The following METTL9 variants were observed in gnomAD, a reference collection of about 807,000 sequenced individuals.
The protein encoded by METTL9 is protein-L-histidine N-pros-methyltransferase.
Under a neutral mutation model 36.0 loss-of-function variants are expected in METTL9, and 10 were observed. That is an observed-to-expected ratio of 0.28 (90% CI 0.17 to 0.47). The LOEUF (loss-of-function observed/expected upper bound fraction) is 0.47, where lower values mean the gene tolerates loss of function less well. Among genes scored for constraint, METTL9 ranks in the 20% least tolerant of loss-of-function variants. The pLI, the probability that METTL9 is intolerant of heterozygous loss-of-function variation, is 0.99. For missense variants in METTL9, 246 were observed against 383.5 expected (o/e 0.64, Z 3.00); for synonymous variants, 175 against 149.7 (o/e 1.17, Z -1.23).
chr16:21,657,131 C>G lies in METTL9; in HGVS notation c.*1699C>G, dbSNP rs963315954. ...TTGCCCCAAAGTGTTTTCTAACTTT[C>G]AAGTAGAGAACTTTATGCTCTAATA... On this transcript the variant is annotated 3_prime_UTR_variant, in exon 5 of 5. Coordinates refer to ENST00000358154, the MANE Select transcript of METTL9 (RefSeq NM_016025.5). The G allele has an allele frequency of 2.0e-5, 3 of 151,996 alleles. No individual in the cohort carries two copies. The highest frequency in any genetic ancestry group is 2.9e-5 in the Non-Finnish European group (2 of 68,006). The allele number at this position is 151,996 out of a possible 1,614,324, so 9.4% of individuals were successfully genotyped here. A position where few individuals can be genotyped will look rare whatever the true frequency, so the allele number is the denominator to read the frequency against.
chr16:21,642,175 A>C (rs1966289669), intron 4 of METTL9: 1 of 152,110 alleles, frequency 6.6e-6, no homozygotes, highest in Non-Finnish European at 1.5e-5. Flanking sequence ...AAAGAAAACA[A>C]TTAAAGTAAA....
chr16:21,598,789 A>C (rs899852620), upstream of METTL9, among the ~76,000 whole-genome samples: 4 of 152,202 alleles, frequency 2.6e-5, no homozygotes, highest in Non-Finnish European at 5.9e-5. Flanking sequence ...TAATTCAAGG[A>C]AACAAGGCAG....
intron 4 of METTL9, chr16:21,627,129 A>G (rs1965833924): frequency 1.0e-6 from 1 of 985,244 alleles, no homozygotes; most frequent in African/African-American, 1.7e-5. Flanking sequence ...CAGGCGCGCC[A>G]CGGCACTCTA....
At chr16:21,640,214 A>T (rs555465246) in intron 4 of METTL9, 4 of 152,232 alleles carry the variant, frequency 2.6e-5, no homozygotes, top group African/African-American at 9.6e-5. Flanking sequence ...TTGGGATTAC[A>T]GGCGTGAGCC....
intron 4 of METTL9, among the ~76,000 whole-genome samples, chr16:21,633,009 G>A (rs1044493342): frequency 1.3e-5 from 2 of 152,144 alleles, no homozygotes; most frequent in African/African-American, 4.8e-5. Context: ...TCTACTAGAT[G>A]AGTATTTGCT....
intron 1 of METTL9, among the ~76,000 whole-genome samples, chr16:21,608,606 C>T (rs943515247): frequency 6.6e-6 from 1 of 152,044 alleles, no homozygotes; most frequent in African/African-American, 2.4e-5. Flanking sequence ...GTTTTGCCTC[C>T]CAGGGGACAT....
At chr16:21,597,332 G>A, upstream of METTL9, 1 of 1,273,084 alleles carries the variant, frequency 7.9e-7, no homozygotes, top group Non-Finnish European at 1.0e-6. Flanking sequence ...GCTACCTTCA[G>A]GCAAATCATT....
intron 3 of METTL9, 92 bp from the exon 4 acceptor site, chr16:21,624,839 A>G: frequency 8.9e-7 from 1 of 1,118,750 alleles, no homozygotes; most frequent in Non-Finnish European, 1.3e-6. Context: ...AATTTAGAAG[A>G]CAAAGTTAAA....
chr16:21,637,833 T>C (rs1048214385), intron 4 of METTL9, among the ~76,000 whole-genome samples: 2 of 152,222 alleles, frequency 1.3e-5, no homozygotes. Context: ...GCTGAAGTGC[T>C]CCTTGAGTGC....
chr16:21,647,347 A>C (rs1252789253), intron 4 of METTL9: 2 of 1,614,030 alleles, frequency 1.2e-6, no homozygotes, highest in African/African-American at 2.7e-5. Context: ...GCTGGTGAGC[A>C]CCGTAGCGAA....
chr16:21,640,760 CTG>C (rs1396386550), intron 4 of METTL9: 1 of 130,244 alleles, frequency 7.7e-6, no homozygotes, highest in African/African-American at 3.1e-5. Flanking sequence ...GAACGAGACT[CTG>C]TCTCAAAAAA....
rs573971942 is a variant in METTL9, at chr16:21,620,325, C to G, written c.566+2251C>G. The stretch of plus-strand genomic sequence containing the variant: ...GGTGGGTCTGCATGGTGATAATTGA[C>G]ATGTTTTCCTTCAGTTAGAGATTAA... On this transcript the variant is annotated intron_variant, in intron 3 of 4. Transcript: ENST00000358154. 1.9e-4 allele frequency among the ~76,000 whole-genome samples: 29 copies of G among 152,276 alleles called. No individual in the cohort carries two copies. In the South Asian group the frequency reaches 6.0e-3, roughly 32 times the overall value.
intron 4 of METTL9, chr16:21,643,139 G>T (rs192939219): frequency 2.5e-6 from 4 of 1,605,486 alleles, no homozygotes; most frequent in Non-Finnish European, 3.4e-6. Context: ...TGAAAAATAC[G>T]CCGAGCACTC....
At chr16:21,599,192 G>C (rs999946473), upstream of METTL9, among the ~76,000 whole-genome samples, 1 of 151,988 alleles carries the variant, frequency 6.6e-6, no homozygotes, top group Admixed American at 6.6e-5. The surrounding 1 kb of genome is among the most constrained non-coding windows in gnomAD (Gnocchi z 4.4). Context: ...GATGAGGGTC[G>C]AGAGGTAACC....
upstream of METTL9, chr16:21,598,137 T>C (rs1597731958): frequency 6.6e-6 from 1 of 152,140 alleles, no homozygotes. Context: ...GATCACGAGG[T>C]CAAGAGATGG....
At chr16:21,606,294 G>A (rs937259789) in intron 1 of METTL9, among the ~76,000 whole-genome samples, 3 of 152,084 alleles carry the variant, frequency 2.0e-5, no homozygotes, top group African/African-American at 4.8e-5. Flanking sequence ...CTGAGATTGC[G>A]CCACTGCACT....
At chr16:21,643,080 C>T (rs777067927) in intron 4 of METTL9, 5 of 1,599,402 alleles carry the variant, frequency 3.1e-6, no homozygotes, top group African/African-American at 2.7e-5. Flanking sequence ...TTACAGATTG[C>T]TGATTTGTTT....
intron 4 of METTL9, chr16:21,643,487 G>T: frequency 9.1e-7 from 1 of 1,095,912 alleles, no homozygotes. Flanking sequence ...AAATATTTCA[G>T]TTTTGAAATC....
rs756872902 is a variant in METTL9 at position 21,625,093 on chromosome 16, C to G, written c.729C>G (p.Pro243=). The G allele has an allele frequency of 1.2e-6, 2 of 1,614,014 alleles. No homozygotes were observed. Among genetic ancestry groups the G allele is most frequent in the East Asian group, 4.5e-5 (2 of 44,904 alleles). The part of the protein sequence containing the change: ...RGRVILALVL[P]FHPYVENVGG... Reference sequence around the variant, plus strand: ...GGGTCATCCTTGCCCTTGTCCTCCCCTTTCATCCCTATGTGGAAAACGGTA... The same window carrying G: ...GGGTCATCCTTGCCCTTGTCCTCCCGTTTCATCCCTATGTGGAAAACGGTA... Residue 243 remains proline, a synonymous_variant, in exon 4 of 5, where the codon CCC becomes CCG. Transcript: ENST00000358154.
Sources: allele counts gnomAD v4.1 joint callset (sites outside exome capture counted in the v4.1 genomes callset), GRCh38; gene constraint gnomAD v4.1.1; non-coding constraint Gnocchi (gnomAD v3.1); transcripts MANE v1.5; gene names NCBI Gene and HGNC (gene_info 2026-07-23, HGNC 2026-07-21).